Variants in HACD1 observed in about 807,000 individuals in gnomAD.
HACD1 encodes 3-hydroxyacyl-CoA dehydratase 1.
Under a neutral mutation model 32.0 loss-of-function variants are expected in HACD1, and 41 were observed. The ratio of observed to expected loss-of-function variants is 1.28; its 90% CI spans 1.00 to 1.66. The LOEUF (loss-of-function observed/expected upper bound fraction) is 1.66, where lower values mean the gene tolerates loss of function less well. Among genes scored for constraint, HACD1 ranks in the 40% most tolerant of loss-of-function variants. The pLI, the probability that HACD1 is intolerant of heterozygous loss-of-function variation, is 0.00. For missense variants in HACD1, 396 were observed against 380.1 expected, an observed-to-expected ratio of 1.04 and a Z score of -0.35; for synonymous variants, 142 against 139.0, an observed-to-expected ratio of 1.02 and a Z score of -0.15.
intron 1 of HACD1, among the ~76,000 whole-genome samples, chr10:17,606,575 T>C (rs1554817081): frequency 6.6e-6 from 1 of 152,190 alleles, no homozygotes; most frequent in Non-Finnish European, 1.5e-5. Context: ...AGAACACTCA[T>C]ACAGTGGACA....
chr10:17,591,985 T>TTTTTC (rs1833934774), intron 6 of HACD1, among the ~76,000 whole-genome samples: 2 of 134,700 alleles, frequency 1.5e-5, no homozygotes, highest in African/African-American at 6.3e-5. Context: ...GATTTTTTTT[T>TTTTTC]TTTTTTTTTT....
At chr10:17,615,127 T>G (rs1306799206) in intron 1 of HACD1, among the ~76,000 whole-genome samples, 2 of 152,260 alleles carry the variant, frequency 1.3e-5, no homozygotes, top group Admixed American at 1.3e-4. Context: ...AAAGGCAGCA[T>G]CATTTCGTGA....
intron 5 of HACD1, among the ~76,000 whole-genome samples, chr10:17,595,353 C>T (rs1554815936): frequency 6.6e-6 from 1 of 152,100 alleles, no homozygotes; most frequent in Non-Finnish European, 1.5e-5. Context: ...TTGAAAAAGT[C>T]TTTGTGGTTA....
chr10:17,599,893 T>C (rs1483092631), intron 4 of HACD1, among the ~76,000 whole-genome samples: 1 of 152,208 alleles, frequency 6.6e-6, no homozygotes, highest in Admixed American at 6.5e-5. Flanking sequence ...TGAATGCAAG[T>C]TGTCTTTTAA....
At chr10:17,607,769 C>G (rs1320187694) in intron 1 of HACD1, among the ~76,000 whole-genome samples, 1 of 152,114 alleles carries the variant, frequency 6.6e-6, no homozygotes, top group African/African-American at 2.4e-5. Context: ...TTGACAGGCT[C>G]AGGGATTTGA....
chr10:17,616,145 T>C (rs1264268822), intron 1 of HACD1, among the ~76,000 whole-genome samples: 1 of 151,768 alleles, frequency 6.6e-6, no homozygotes, highest in Non-Finnish European at 1.5e-5. Context: ...GGCGGGCGCC[T>C]GTAGTCCCAG....
chr10:17,617,297 G>C lies in HACD1; in HGVS notation c.43C>G (p.Arg15Gly). 1 of 1,452,626 alleles carries C rather than the reference G, an allele frequency of 6.9e-7. No individual in the cohort carries two copies. Among genetic ancestry groups the C allele is most frequent in the Non-Finnish European group, 9.0e-7 (1 of 1,108,594 alleles). The allele number at this position is 1,452,626 out of a possible 1,614,324, so 90.0% of individuals were successfully genotyped here. A position where few individuals can be genotyped will look rare whatever the true frequency, so the allele number is the denominator to read the frequency against. ...TEAAAAGSGSRAAGWAGSPPT... is the reference protein window; with the variant it reads ...TEAAAAGSGSGAAGWAGSPPT... ...GGGGACCCTGCCCAGCCTGCAGCCC[G>C]AGAGCCGCTGCCCGCTGCCGCCGCT... The change falls in exon 1 of 7, where the codon CGG becomes GGG. Residue 15 changes from arginine to glycine, a missense_variant. By Grantham distance (125) the Arg-to-Gly change is moderately radical. Transcript: ENST00000361271.
intron 5 of HACD1, among the ~76,000 whole-genome samples, chr10:17,595,729 C>A (rs1833987244): frequency 6.6e-6 from 1 of 151,986 alleles, no homozygotes; most frequent in Non-Finnish European, 1.5e-5. Flanking sequence ...AATCATTTTT[C>A]TCTGACTCAG....
At chr10:17,594,179 C>G (rs1833964724) in intron 6 of HACD1, 26 bp downstream of exon 6, 1 of 1,344,184 alleles carries the variant, frequency 7.4e-7, no homozygotes, top group Non-Finnish European at 9.7e-7. Flanking sequence ...TATGTCAAAT[C>G]AAAGTACTAA....
chr10:17,601,786 C>T (rs540317723), intron 4 of HACD1, among the ~76,000 whole-genome samples: 3 of 152,080 alleles, frequency 2.0e-5, no homozygotes, highest in South Asian at 2.1e-4. Context: ...GCATGGCAGT[C>T]GCTGTTTAGG....
At chr10:17,612,848 G>A (rs1833007475) in intron 1 of HACD1, among the ~76,000 whole-genome samples, 1 of 150,790 alleles carries the variant, frequency 6.6e-6, no homozygotes, top group Non-Finnish European at 1.5e-5. Context: ...CGAGAATCCG[G>A]GAGGCGGAAC....
chr10:17,591,728 C>G (rs572211153), intron 6 of HACD1, among the ~76,000 whole-genome samples: 1 of 99,780 alleles, frequency 1.0e-5, no homozygotes, highest in African/African-American at 2.9e-5. Flanking sequence ...AACCAATGAA[C>G]CTTATCACAA....
At chr10:17,616,363 C>CT (rs1197812776) in intron 1 of HACD1, among the ~76,000 whole-genome samples, 2 of 152,148 alleles carry the variant, frequency 1.3e-5, no homozygotes, top group Non-Finnish European at 2.9e-5. Flanking sequence ...GGGAAAATAA[C>CT]TTTTTTAAAA....
At position 17,591,976 on chromosome 10, in the gene HACD1, A is replaced by ATCTTT. The variant is rs1465312407; in HGVS notation, c.785-1531_785-1530insAAAGA. ...CCCTGCCTTAACTCACCAGCTACTG[A>ATCTTT]TTTTTTTTTTTTTTTTTTTTTTTGA... On this transcript the variant is annotated intron_variant, in intron 6 of 6. Transcript: ENST00000361271. Among the ~76,000 whole-genome samples, 37 of 96,952 alleles carry ATCTTT rather than the reference A, an allele frequency of 3.8e-4. 1 individual carries two copies. The South Asian group carries it at 0.012, about 33-fold the overall frequency. The allele number at this position is 96,952 out of a possible 152,430, so 63.6% of individuals were successfully genotyped here.
chr10:17,601,844 A>T lies in HACD1; in HGVS notation c.483+1716T>A, dbSNP rs148018289. ...GAGTGAAAGATACTAGTCAAGAGGG[A>T]TAAAGTATAAAGAGCAGGAGGTCAG... On this transcript the variant is annotated intron_variant, in intron 4 of 6. Coordinates refer to ENST00000361271, the MANE Select transcript of HACD1 (RefSeq NM_014241.4). Among the ~76,000 whole-genome samples the T allele has an allele frequency of 4.4e-3, 670 of 152,188 alleles. 1 individual carries two copies. Among genetic ancestry groups the T allele is most frequent in the African/African-American group, 0.015 (627 of 41,526 alleles).
At chr10:17,597,349 G>C (rs1554816088) in intron 5 of HACD1, among the ~76,000 whole-genome samples, 1 of 152,136 alleles carries the variant, frequency 6.6e-6, no homozygotes. Flanking sequence ...TGTTGGCCAG[G>C]CTGATCTGGA....
At chr10:17,613,670 G>A (rs1833025001) in intron 1 of HACD1, among the ~76,000 whole-genome samples, 1 of 152,206 alleles carries the variant, frequency 6.6e-6, no homozygotes, top group African/African-American at 2.4e-5. Flanking sequence ...AAACTTCTCA[G>A]TAGAGGCAGA....
At chr10:17,616,162 G>C (rs911096568) in intron 1 of HACD1, among the ~76,000 whole-genome samples, 92 of 151,924 alleles carry the variant, frequency 6.1e-4, no homozygotes, top group African/African-American at 2.1e-3. Context: ...CCAGCTACTC[G>C]GGAGGCTGAG....
At chr10:17,605,622 A>G (rs187123448) in intron 1 of HACD1, among the ~76,000 whole-genome samples, 44 of 152,004 alleles carry the variant, frequency 2.9e-4, no homozygotes, top group Admixed American at 2.6e-3. Context: ...AAGATCAGCC[A>G]TGGGCCTGCT....
Sources: gnomAD v4.1 joint callset for allele counts (sites outside exome capture counted in the v4.1 genomes callset) on GRCh38, gnomAD v4.1.1 for gene constraint, MANE v1.5 for transcripts, NCBI Gene and HGNC (gene_info 2026-07-23, HGNC 2026-07-21) for gene names.